ZFAT: variants seen among roughly 807,000 people sequenced by gnomAD.
ZFAT encodes the protein zinc finger and AT-hook domain containing.
In ZFAT, 64 loss-of-function variants were observed where a neutral mutation model predicts 117.7. The observed-to-expected ratio is 0.54, with a 90% CI of 0.44 to 0.67. The LOEUF is 0.67. Among genes scored for constraint, ZFAT ranks in the 30% least tolerant of loss-of-function variants. The probability of loss-of-function intolerance (pLI) is 0.00; values close to 1 mark genes in which losing one functional copy is unlikely to be tolerated. For missense variants in ZFAT, 1,433 were observed against 1,584.5 expected (o/e 0.90, Z 1.62); for synonymous variants, 679 against 615.0 (o/e 1.10, Z -1.54).
At chr8:134,755,306 G>C in the ZFAT span, among the ~76,000 whole-genome samples, 3 of 151,694 alleles carry the variant, frequency 2.0e-5, no homozygotes, top group African/African-American at 7.3e-5. Flanking sequence ...CCAGCTACTT[G>C]GGAGGCTGAG....
chr8:134,478,861 T>C lies in ZFAT; in HGVS notation c.3493-140A>G. On this transcript the variant is annotated intron_variant, in intron 15 of 15. Transcript: ENST00000377838. The surrounding 1 kb of genome is among the most constrained non-coding windows in gnomAD (Gnocchi z 5.2). ...TCTCCACGGATCCTCTCTACCAGGC[T>C]GTGCTTGCTCTCATGCCCATTTTAC... 1 of 1,323,198 alleles carries C rather than the reference T, an allele frequency of 7.6e-7. No homozygotes were observed. Among genetic ancestry groups the C allele is most frequent in the Non-Finnish European group, 1.0e-6 (1 of 982,482 alleles). The allele number at this position is 1,323,198 out of a possible 1,614,324, so 82.0% of individuals were successfully genotyped here. A position where few individuals can be genotyped will look rare whatever the true frequency, so the allele number is the denominator to read the frequency against.
At position 134,637,444 on chromosome 8, in the gene ZFAT, C is replaced by T; in HGVS notation, c.448+17G>A. 1 of 1,600,152 alleles carries T rather than the reference C, an allele frequency of 6.2e-7. No individual in the cohort carries two copies. The highest frequency in any genetic ancestry group is 8.6e-7 in the Non-Finnish European group (1 of 1,169,374). On this transcript the variant is annotated intron_variant, in intron 3 of 15. Transcript: ENST00000377838. Reference sequence around the variant, plus strand: ...TTCATAAGAAATTGACATGTTCAGCCCTTTGGCAGCATTTACCTGCTTCTC... The same window carrying T: ...TTCATAAGAAATTGACATGTTCAGCTCTTTGGCAGCATTTACCTGCTTCTC...
At chr8:134,810,466 C>T in the ZFAT span, among the ~76,000 whole-genome samples, 144 of 152,280 alleles carry the variant, frequency 9.5e-4, no homozygotes, top group African/African-American at 3.1e-3. Flanking sequence ...ATCTACTTCA[C>T]GCTCTACTTG....
the ZFAT span, among the ~76,000 whole-genome samples, chr8:134,730,695 A>G: frequency 7.2e-5 from 11 of 152,188 alleles, no homozygotes; most frequent in African/African-American, 2.7e-4. Flanking sequence ...TGGAGTTCAA[A>G]TGACTAAAGA....
At chr8:134,769,974 C>T in the ZFAT span, among the ~76,000 whole-genome samples, 1 of 152,212 alleles carries the variant, frequency 6.6e-6, no homozygotes, top group Non-Finnish European at 1.5e-5. Context: ...GGGCACCAAG[C>T]CCCTGGGTGG....
At chr8:134,606,699 G>A (rs1341340497) in intron 5 of ZFAT, among the ~76,000 whole-genome samples, 1 of 144,888 alleles carries the variant, frequency 6.9e-6, no homozygotes, top group African/African-American at 2.6e-5. Context: ...CTGCACTCCA[G>A]CCTGGGTAAC....
chr8:134,650,804 G>A (rs926984967), intron 2 of ZFAT, among the ~76,000 whole-genome samples: 3 of 152,148 alleles, frequency 2.0e-5, no homozygotes, highest in Admixed American at 1.3e-4. Context: ...CTCTCAATGG[G>A]AAAAGAACAG....
chr8:134,612,700 C>A lies in ZFAT; in HGVS notation c.449-2045G>T, dbSNP rs193242817. Among the ~76,000 whole-genome samples, 213 of 152,284 alleles carry A rather than the reference C, an allele frequency of 1.4e-3. 1 individual carries two copies. The highest frequency in any genetic ancestry group is 5.0e-3 in the African/African-American group (208 of 41,550). On this transcript the variant is annotated intron_variant, in intron 3 of 15. Transcript: ENST00000377838. ...TCCTTAATCATATAACTAGTATCAG[C>A]ACTAAATATGGTAACATTGAGCTAA...
the ZFAT span, chr8:134,784,608 A>C: frequency 6.6e-6 from 1 of 152,158 alleles, no homozygotes; most frequent in African/African-American, 2.4e-5. Flanking sequence ...TGTCATAAGC[A>C]ATAAACTGCT....
intron 14 of ZFAT, among the ~76,000 whole-genome samples, chr8:134,511,870 A>G (rs1434336328): frequency 1.3e-5 from 2 of 152,124 alleles, no homozygotes; most frequent in Non-Finnish European, 2.9e-5. Context: ...GGACTTGGAG[A>G]ATGAGCGATC....
At chr8:134,545,318 C>G (rs913234365) in intron 11 of ZFAT, among the ~76,000 whole-genome samples, 1 of 152,106 alleles carries the variant, frequency 6.6e-6, no homozygotes, top group Non-Finnish European at 1.5e-5. Context: ...CCGAGACCAG[C>G]CTGGGCAACA....
chr8:134,515,657 G>T (rs1426811194), intron 13 of ZFAT, among the ~76,000 whole-genome samples: 1 of 152,090 alleles, frequency 6.6e-6, no homozygotes, highest in African/African-American at 2.4e-5. Flanking sequence ...TGATGGGGTT[G>T]TTTTTTTCTT....
chr8:134,716,607 A>T (rs1814213716), upstream of ZFAT, among the ~76,000 whole-genome samples: 1 of 152,224 alleles, frequency 6.6e-6, no homozygotes. Context: ...TGCTATTCTC[A>T]GAAAACCAGG....
At chr8:134,556,058 A>C in intron 11 of ZFAT, among the ~76,000 whole-genome samples, 1 of 102,874 alleles carries the variant, frequency 9.7e-6, no homozygotes, top group Admixed American at 9.5e-5. Flanking sequence ...GAAGGAAGGA[A>C]GGAAGGAAGG....
chr8:134,628,286 AGAT>A (rs1829658827), intron 3 of ZFAT, among the ~76,000 whole-genome samples: 1 of 152,154 alleles, frequency 6.6e-6, no homozygotes, highest in African/African-American at 2.4e-5. Flanking sequence ...CATGTACAAG[AGAT>A]GGTGAGGGCA....
rs985144337 is a variant in ZFAT at position 134,695,684 on chromosome 8, C to G, written c.19+17161G>C. 2.0e-5 allele frequency among the ~76,000 whole-genome samples: 3 copies of G among 151,174 alleles called. No homozygotes were observed. In the South Asian group the frequency reaches 6.3e-4, roughly 32 times the overall value. On this transcript the variant is annotated intron_variant, in intron 1 of 15. Coordinates refer to ENST00000377838, the MANE Select transcript of ZFAT (RefSeq NM_020863.4). ...ATCTCTAACAAAGGTGGCACCGCCC[C>G]CCCAGGCCCAGGCAGCATCTCTAAC...
At chr8:134,756,702 C>T in the ZFAT span, among the ~76,000 whole-genome samples, 1 of 152,222 alleles carries the variant, frequency 6.6e-6, no homozygotes, top group Non-Finnish European at 1.5e-5. Context: ...AGGGGCAGCT[C>T]ACGGCCAGTG....
chr8:134,586,315 T>C (rs1327108988), intron 9 of ZFAT, among the ~76,000 whole-genome samples: 1 of 152,256 alleles, frequency 6.6e-6, no homozygotes, highest in Non-Finnish European at 1.5e-5. Context: ...GCATCAGCCA[T>C]GTATTAAGTA....
At chr8:134,791,961 T>A in the ZFAT span, 1 of 152,100 alleles carries the variant, frequency 6.6e-6, no homozygotes, top group African/African-American at 2.4e-5. Context: ...CCTAATTCAA[T>A]CACTAGCTGA....
Sources: gnomAD v4.1 joint callset for allele counts (sites outside exome capture counted in the v4.1 genomes callset) on GRCh38, gnomAD v4.1.1 for gene constraint, Gnocchi (gnomAD v3.1) non-coding constraint, MANE v1.5 for transcripts, NCBI Gene and HGNC (gene_info 2026-07-23, HGNC 2026-07-21) for gene names.